Variants in KCNMA1 observed in about 807,000 individuals in gnomAD.
KCNMA1 encodes potassium calcium-activated channel subfamily M alpha 1.
A neutral mutation model predicts 140.0 loss-of-function variants in KCNMA1; 29 were observed. The observed-to-expected ratio is 0.21, with a 90% CI of 0.15 to 0.28. The LOEUF is 0.28. KCNMA1 is among the 10% of genes least tolerant of loss of function. The pLI, the probability that KCNMA1 is intolerant of heterozygous loss-of-function variation, is 1.00. For missense variants in KCNMA1, 880 were observed against 1,602.2 expected (o/e 0.55, Z 7.70); for synonymous variants, 612 against 611.9 (o/e 1.00, Z 0.00).
intron 5 of KCNMA1, among the ~76,000 whole-genome samples, chr10:77,133,021 A>G (rs2097897792): frequency 6.6e-6 from 1 of 152,114 alleles, no homozygotes; most frequent in African/African-American, 2.4e-5. Context: ...TGGGAAAAAG[A>G]AAGGTGTGCA....
intron 1 of KCNMA1, among the ~76,000 whole-genome samples, chr10:77,591,058 G>C (rs2078993510): frequency 6.6e-6 from 1 of 152,198 alleles, no homozygotes; most frequent in Non-Finnish European, 1.5e-5. Flanking sequence ...CAAGGCCCAG[G>C]CAGATAAACA....
At chr10:77,508,292 A>G (rs1389256327) in intron 1 of KCNMA1, among the ~76,000 whole-genome samples, 2 of 150,664 alleles carry the variant, frequency 1.3e-5, no homozygotes, top group Non-Finnish European at 2.9e-5. Flanking sequence ...CTCCCACCTC[A>G]ACCTCCTAAG....
At chr10:77,299,988 G>A (rs1299323469) in intron 2 of KCNMA1, among the ~76,000 whole-genome samples, 2 of 152,220 alleles carry the variant, frequency 1.3e-5, no homozygotes, top group African/African-American at 2.4e-5. Flanking sequence ...AGCCCAGTCA[G>A]TGTGGCTTCT....
At chr10:77,602,665 G>A (rs997717250) in intron 1 of KCNMA1, among the ~76,000 whole-genome samples, 1 of 152,070 alleles carries the variant, frequency 6.6e-6, no homozygotes, top group African/African-American at 2.4e-5. Flanking sequence ...TGTCACCTGG[G>A]CACTGGGCAC....
chr10:77,137,463 T>C (rs2098068999), intron 5 of KCNMA1, among the ~76,000 whole-genome samples: 1 of 152,122 alleles, frequency 6.6e-6, no homozygotes, highest in South Asian at 2.1e-4. Context: ...AGGGCAGGCA[T>C]ATCAGGGTAA....
intron 5 of KCNMA1, among the ~76,000 whole-genome samples, chr10:77,147,172 G>C (rs1002294520): frequency 1.3e-5 from 2 of 152,164 alleles, no homozygotes; most frequent in Non-Finnish European, 2.9e-5. Flanking sequence ...AAACATCAAG[G>C]CTGAATCTAT....
chr10:77,277,632 C>A (rs909370525), intron 2 of KCNMA1, among the ~76,000 whole-genome samples: 1 of 152,204 alleles, frequency 6.6e-6, no homozygotes, highest in African/African-American at 2.4e-5. Flanking sequence ...CTCTGAACTT[C>A]TGGAATCACC....
At chr10:77,060,007 A>G (rs1565840625) in intron 14 of KCNMA1, among the ~76,000 whole-genome samples, 1 of 152,192 alleles carries the variant, frequency 6.6e-6, no homozygotes, top group Non-Finnish European at 1.5e-5. Flanking sequence ...ATCTAACAAA[A>G]CATGTACAGA....
intron 1 of KCNMA1, among the ~76,000 whole-genome samples, chr10:77,477,380 C>T (rs1290642932): frequency 7.9e-5 from 12 of 152,196 alleles, no homozygotes; most frequent in Non-Finnish European, 1.6e-4. Flanking sequence ...TATCAGGCCA[C>T]CATATGTCTG....
intron 1 of KCNMA1, among the ~76,000 whole-genome samples, chr10:77,527,425 C>T (rs563351391): frequency 3.9e-5 from 6 of 152,332 alleles, no homozygotes; most frequent in Non-Finnish European, 7.3e-5. Flanking sequence ...AGAGGAATTG[C>T]GCTGTCCTGC....
chr10:76,873,056 A>C (rs1455325392), downstream of KCNMA1: 4 of 152,228 alleles, frequency 2.6e-5, no homozygotes, highest in South Asian at 8.3e-4. Context: ...TGGGGCTGTG[A>C]TATCATGGAG....
At chr10:76,919,825 G>T (rs2054571409) in intron 23 of KCNMA1, among the ~76,000 whole-genome samples, 1 of 151,522 alleles carries the variant, frequency 6.6e-6, no homozygotes, top group South Asian at 2.1e-4. Flanking sequence ...AAAAATGCTG[G>T]CTACCAATAT....
At chr10:77,325,226 C>T (rs1602578740) in intron 2 of KCNMA1, among the ~76,000 whole-genome samples, 1 of 152,154 alleles carries the variant, frequency 6.6e-6, no homozygotes, top group East Asian at 1.9e-4. Context: ...GGTTAATATC[C>T]TCTTGGCACC....
intron 14 of KCNMA1, among the ~76,000 whole-genome samples, chr10:77,060,068 C>T (rs2095682128): frequency 6.6e-6 from 1 of 151,988 alleles, no homozygotes; most frequent in Admixed American, 6.6e-5. Flanking sequence ...TTAAAGATGA[C>T]CTAAATAAAT....
At chr10:77,521,255 AC>A (rs914520257) in intron 1 of KCNMA1, among the ~76,000 whole-genome samples, 8 of 152,342 alleles carry the variant, frequency 5.3e-5, no homozygotes, top group African/African-American at 1.9e-4. Flanking sequence ...CCTTTGTGTC[AC>A]CCTCATCTGA....
At chr10:77,230,237 G>A (rs1454056211) in intron 3 of KCNMA1, among the ~76,000 whole-genome samples, 2 of 152,208 alleles carry the variant, frequency 1.3e-5, no homozygotes, top group African/African-American at 4.8e-5. Context: ...TCTAGAAGAG[G>A]TAAATCCATA....
chr10:77,132,324 G>C (rs1336680251), intron 5 of KCNMA1, among the ~76,000 whole-genome samples: 1 of 152,006 alleles, frequency 6.6e-6, no homozygotes, highest in Non-Finnish European at 1.5e-5. Context: ...GCACAGGAAT[G>C]AAAAGTGCAA....
At chr10:77,022,353 C>G (rs2092954366) in intron 16 of KCNMA1, among the ~76,000 whole-genome samples, 1 of 152,188 alleles carries the variant, frequency 6.6e-6, no homozygotes, top group Admixed American at 6.5e-5. Flanking sequence ...CCAACAAGGA[C>G]ATGTTGGCAG....
At chr10:77,444,578 A>G (rs1161180694) in intron 1 of KCNMA1, among the ~76,000 whole-genome samples, 1 of 152,212 alleles carries the variant, frequency 6.6e-6, no homozygotes, top group African/African-American at 2.4e-5. Context: ...CAGCTGGTCC[A>G]TGAGCTGTAA....
Sources: allele counts gnomAD v4.1 joint callset (sites outside exome capture counted in the v4.1 genomes callset), GRCh38; gene constraint gnomAD v4.1.1; transcripts MANE v1.5; gene names NCBI Gene and HGNC (gene_info 2026-07-23, HGNC 2026-07-21).